ERBIN: variants seen among roughly 807,000 people sequenced by gnomAD.
ERBIN encodes the protein erbb2 interacting protein.
A neutral mutation model predicts 158.4 loss-of-function variants in ERBIN; 60 were observed. The ratio of observed to expected loss-of-function variants is 0.38; its 90% CI spans 0.31 to 0.47. ERBIN has a LOEUF of 0.47. Ranked by LOEUF, ERBIN falls within the 20% of genes least tolerant of loss-of-function variation. ERBIN has a pLI of 0.99. For missense variants in ERBIN, 1,610 were observed against 1,648.0 expected (o/e 0.98, Z 0.40); for synonymous variants, 594 against 557.2 (o/e 1.07, Z -0.93).
chr5:65,953,139 A>G (rs374965047), intron 1 of ERBIN, among the ~76,000 whole-genome samples: 5 of 152,262 alleles, frequency 3.3e-5, no homozygotes, highest in African/African-American at 1.2e-4. Flanking sequence ...ACTGCTCGTT[A>G]CTACAATTAA....
intron 4 of ERBIN, among the ~76,000 whole-genome samples, chr5:65,995,389 T>C (rs1003219857): frequency 4.1e-5 from 6 of 145,142 alleles, no homozygotes; most frequent in South Asian, 2.2e-4. Flanking sequence ...TTTTTTTTTT[T>C]CTGTTCCTGG....
chr5:66,012,098 T>C lies in ERBIN; in HGVS notation c.357T>C (p.Ile119=). ...TAAAAAATTGTAAAGTTTTGACAATTGTGGAGGCCAGTGTAAACCCTATTT... is the reference window on the plus strand; with the variant it reads ...TAAAAAATTGTAAAGTTTTGACAATCGTGGAGGCCAGTGTAAACCCTATTT... The part of the protein sequence containing the change: ...ENIKNCKVLT[I]VEASVNPISK... Residue 119 remains isoleucine, a synonymous_variant, in exon 5 of 26, where the codon ATT becomes ATC. Transcript: ENST00000284037. The C allele has an allele frequency of 6.2e-7, 1 of 1,607,150 alleles. No homozygotes were observed. Among genetic ancestry groups the C allele is most frequent in the Non-Finnish European group, 8.5e-7 (1 of 1,176,216 alleles).
At chr5:66,004,454 A>G (rs1467885147) in intron 4 of ERBIN, among the ~76,000 whole-genome samples, 1 of 152,170 alleles carries the variant, frequency 6.6e-6, no homozygotes, top group African/African-American at 2.4e-5. Flanking sequence ...GCTGCAGTAC[A>G]GTGGTGCGAT....
chr5:66,015,796 CA>C (rs1754653035), intron 7 of ERBIN, among the ~76,000 whole-genome samples: 1 of 152,106 alleles, frequency 6.6e-6, no homozygotes, highest in East Asian at 1.9e-4. Context: ...ATGATTGTAC[CA>C]CTGCATTCCA....
intron 1 of ERBIN, among the ~76,000 whole-genome samples, chr5:65,935,935 G>T (rs1744027791): frequency 6.6e-6 from 1 of 152,130 alleles, no homozygotes; most frequent in Non-Finnish European, 1.5e-5. Flanking sequence ...TATGTTGCCA[G>T]GATTGGTCTC....
At position 66,054,628 on chromosome 5, in the gene ERBIN, T is replaced by C. The variant is rs1209489016; in HGVS notation, c.3310T>C (p.Tyr1104His). The C allele has an allele frequency of 6.2e-7, 1 of 1,613,970 alleles. No homozygotes were observed. The highest frequency in any genetic ancestry group is 8.5e-7 in the Non-Finnish European group (1 of 1,180,002). The stretch of plus-strand genomic sequence containing the variant: ...GCGGGCTCAGATTCCTGAAGGAGAT[T>C]ATTTATCATACAGAGAGTTCCACTC... ...TRRAQIPEGDYLSYREFHSAG... is the reference protein window; with the variant it reads ...TRRAQIPEGDHLSYREFHSAG... Residue 1104 changes from tyrosine (Y) to histidine (H), a missense_variant, in exon 21 of 26, where the codon TAT becomes CAT. Tyr to His is a moderately conservative substitution (Grantham distance 83). Coordinates refer to ENST00000284037, the MANE Select transcript of ERBIN (RefSeq NM_001253697.2).
Position 66,053,576 on chromosome 5 carries a change from C to T in ERBIN, c.2258C>T (p.Thr753Ile). 1 of 1,610,498 alleles carries T rather than the reference C, an allele frequency of 6.2e-7. No individual in the cohort carries two copies. Among genetic ancestry groups the T allele is most frequent in the Non-Finnish European group, 8.5e-7 (1 of 1,179,004 alleles). ...LIEKSVDSTATADDTHKLDHI... is the reference protein window; with the variant it reads ...LIEKSVDSTAIADDTHKLDHI... Reference sequence around the variant, plus strand: ...GAGAAAAGTGTTGACTCAACAGCCACAGCTGATGACACTCACAAATTAGAT... The same window carrying T: ...GAGAAAAGTGTTGACTCAACAGCCATAGCTGATGACACTCACAAATTAGAT... The change falls in exon 21 of 26, where the codon ACA (threonine) becomes ATA (isoleucine). Residue 753 changes from threonine (T) to isoleucine (I), a missense_variant. This residue lies in a region of ERBIN where 1,014 missense variants were observed against 936.1 expected (regional missense o/e 1.08). Transcript: ENST00000284037.
intron 2 of ERBIN, among the ~76,000 whole-genome samples, chr5:65,992,509 T>C (rs1046465033): frequency 4.6e-5 from 7 of 152,166 alleles, no homozygotes; most frequent in Non-Finnish European, 7.3e-5. Flanking sequence ...TGTGAAGTAC[T>C]AAAGAGCTTG....
intron 2 of ERBIN, 65 bp from the exon 3 acceptor site, chr5:65,992,645 T>A: frequency 8.4e-7 from 1 of 1,183,626 alleles, no homozygotes; most frequent in Non-Finnish European, 1.2e-6. Context: ...TAGATTGGAA[T>A]GATTTGTTCT....
chr5:66,046,337 CT>C lies in ERBIN; in HGVS notation c.1603-12del. 7.1e-7 allele frequency: 1 copy of C among 1,411,812 alleles called. No homozygotes were observed. The allele number at this position is 1,411,812 out of a possible 1,614,324, so 87.5% of individuals were successfully genotyped here. ...AACTTAAAGAATATGAGCTCTTTAT[CT>C]TTTCTTTTACTTAGACCTCAGAAAG... On this transcript the variant is annotated splice_polypyrimidine_tract_variant and intron_variant, in intron 17 of 25. Transcript: ENST00000284037.
At chr5:65,987,352 T>C (rs1473143370) in intron 1 of ERBIN, among the ~76,000 whole-genome samples, 1 of 50,526 alleles carries the variant, frequency 2.0e-5, no homozygotes, top group Non-Finnish European at 4.6e-5. Flanking sequence ...TTGGGCAACA[T>C]AGTGAGAGAC....
At chr5:66,060,542 A>T (rs908703062) in intron 21 of ERBIN, among the ~76,000 whole-genome samples, 3 of 151,914 alleles carry the variant, frequency 2.0e-5, no homozygotes, top group Non-Finnish European at 1.5e-5. Context: ...TATCTCCTTC[A>T]GTTCTGCTCT....
chr5:66,039,047 T>G (rs1250737811), intron 15 of ERBIN, among the ~76,000 whole-genome samples: 1 of 151,822 alleles, frequency 6.6e-6, no homozygotes, highest in Non-Finnish European at 1.5e-5. Context: ...TGTGTGTGTT[T>G]ATTGTGTTAC....
chr5:65,987,863 TAGA>T (rs987882781), intron 1 of ERBIN, among the ~76,000 whole-genome samples: 15 of 151,450 alleles, frequency 9.9e-5, no homozygotes, highest in Non-Finnish European at 1.8e-4. Flanking sequence ...AAAAAAATCT[TAGA>T]AGGGAAAATA....
At chr5:66,076,807 A>T in intron 24 of ERBIN, 68 bp from the exon 25 acceptor site, 1 of 1,149,666 alleles carries the variant, frequency 8.7e-7, no homozygotes, top group Non-Finnish European at 1.3e-6. Flanking sequence ...TGGAGGAAAA[A>T]TTGCTCCTTG....
At chr5:65,937,414 G>A (rs1449285488) in intron 1 of ERBIN, among the ~76,000 whole-genome samples, 1 of 152,108 alleles carries the variant, frequency 6.6e-6, no homozygotes, top group Non-Finnish European at 1.5e-5. Context: ...CTGAAAGTCT[G>A]CCTTTATCAA....
In ERBIN at chr5:66,043,214, A is replaced by G. The variant is rs1042131909; in HGVS notation, c.1428+16A>G. The G allele has an allele frequency of 4.5e-5, 72 of 1,607,666 alleles. No individual in the cohort carries two copies. The highest frequency in any genetic ancestry group is 6.0e-5 in the Non-Finnish European group (71 of 1,177,830). On this transcript the variant is annotated intron_variant, in intron 16 of 25. Coordinates refer to ENST00000284037, the MANE Select transcript of ERBIN (RefSeq NM_001253697.2). Reference sequence around the variant, plus strand: ...ACCTCCCAGGGTGAGTCTGTTCTTTATTCTTTAAAATTTGAAACAAGTCTG... The same window carrying G: ...ACCTCCCAGGGTGAGTCTGTTCTTTGTTCTTTAAAATTTGAAACAAGTCTG...
chr5:65,978,591 G>T (rs1361980987), intron 1 of ERBIN, among the ~76,000 whole-genome samples: 1 of 152,226 alleles, frequency 6.6e-6, no homozygotes, highest in Non-Finnish European at 1.5e-5. Context: ...GCCCGCCTGG[G>T]GGCAGGTGCC....
intron 1 of ERBIN, among the ~76,000 whole-genome samples, chr5:65,983,352 G>C (rs983268988): frequency 6.6e-6 from 1 of 152,008 alleles, no homozygotes; most frequent in Non-Finnish European, 1.5e-5. Flanking sequence ...GTTTTTGACT[G>C]TTGTCCTTAT....
Sources: allele counts gnomAD v4.1 joint callset (sites outside exome capture counted in the v4.1 genomes callset), GRCh38; gene constraint gnomAD v4.1.1; regional missense constraint gnomAD v4.1.1; transcripts MANE v1.5; gene names NCBI Gene and HGNC (gene_info 2026-07-23, HGNC 2026-07-21).